Variants in NPAS3 observed in about 807,000 individuals in gnomAD.
The protein encoded by NPAS3 is neuronal PAS domain protein 3.
In NPAS3, 14 loss-of-function variants were observed where a neutral mutation model predicts 73.1. The observed-to-expected ratio is 0.19, with a 90% CI of 0.13 to 0.30. The LOEUF (loss-of-function observed/expected upper bound fraction) is 0.30, where lower values mean the gene tolerates loss of function less well. Ranked by LOEUF, NPAS3 falls within the 10% of genes least tolerant of loss-of-function variation. The pLI is 1.00. For missense variants in NPAS3, 1,096 were observed against 1,250.0 expected (o/e 0.88, Z 1.86); for synonymous variants, 620 against 541.5 (o/e 1.14, Z -2.01).
intron 2 of NPAS3, among the ~76,000 whole-genome samples, chr14:33,078,532 C>CAAAAAA (rs200285065): frequency 1.6e-5 from 1 of 63,348 alleles, no homozygotes. Flanking sequence ...AAAACAAAAC[C>CAAAAAA]AAAAAAAAAA....
At chr14:33,059,777 A>G (rs2041028679) in intron 2 of NPAS3, among the ~76,000 whole-genome samples, 1 of 152,210 alleles carries the variant, frequency 6.6e-6, no homozygotes, top group Non-Finnish European at 1.5e-5. Context: ...GAGAAAAGAC[A>G]CCCCTTCCAT....
Position 33,059,022 on chromosome 14 carries a change from A to G in NPAS3, c.140+3028A>G, listed in dbSNP as rs115381820. ...AACTTGGATGGGTTTGTGAGAGTCA[A>G]TTGTATGCACCTCTTTCTCACTTTG... On this transcript the variant is annotated intron_variant, in intron 2 of 11. Transcript: ENST00000356141. Among the ~76,000 whole-genome samples, 1,121 of 152,294 alleles carry G rather than the reference A, an allele frequency of 7.4e-3. 15 individuals are homozygous for G. Among genetic ancestry groups the G allele is most frequent in the African/African-American group, 0.026 (1,067 of 41,566 alleles).
chr14:33,447,184 A>G (rs1315528900), intron 4 of NPAS3, among the ~76,000 whole-genome samples: 1 of 152,246 alleles, frequency 6.6e-6, no homozygotes, highest in Non-Finnish European at 1.5e-5. Flanking sequence ...TTGGTGGTAG[A>G]AGTTCAGAGA....
chr14:33,379,523 A>G (rs1229887268), intron 4 of NPAS3, among the ~76,000 whole-genome samples: 2 of 152,026 alleles, frequency 1.3e-5, no homozygotes, highest in African/African-American at 4.8e-5. Flanking sequence ...CAGACATCAC[A>G]TTTTTGTTAC....
At chr14:33,586,172 T>A (rs879343468) in intron 5 of NPAS3, among the ~76,000 whole-genome samples, 1 of 151,640 alleles carries the variant, frequency 6.6e-6, no homozygotes, top group Non-Finnish European at 1.5e-5. Flanking sequence ...CTTGTTTTCT[T>A]CTCTTAAAAA....
At chr14:33,472,249 G>A (rs1330184202) in intron 4 of NPAS3, among the ~76,000 whole-genome samples, 1 of 152,188 alleles carries the variant, frequency 6.6e-6, no homozygotes, top group East Asian at 1.9e-4. Flanking sequence ...GAGCTGTCCA[G>A]GCAATGCAGT....
At chr14:33,177,331 C>T (rs1388479110) in intron 2 of NPAS3, among the ~76,000 whole-genome samples, 4 of 151,696 alleles carry the variant, frequency 2.6e-5, no homozygotes, top group Admixed American at 2.0e-4. Context: ...CTCTTGACCT[C>T]GTGATTCACC....
At chr14:33,599,459 T>G (rs2057338202) in intron 5 of NPAS3, among the ~76,000 whole-genome samples, 1 of 152,212 alleles carries the variant, frequency 6.6e-6, no homozygotes, top group African/African-American at 2.4e-5. Flanking sequence ...GCATATAAAC[T>G]AATGATCTGG....
intron 2 of NPAS3, among the ~76,000 whole-genome samples, chr14:33,153,014 ACT>A (rs1595560991): frequency 6.7e-6 from 1 of 148,954 alleles, no homozygotes; most frequent in African/African-American, 2.5e-5. Flanking sequence ...TCAGATTTTT[ACT>A]CTCTTAGACT....
chr14:33,574,524 A>G (rs1386222354), intron 5 of NPAS3, among the ~76,000 whole-genome samples: 1 of 152,096 alleles, frequency 6.6e-6, no homozygotes, highest in African/African-American at 2.4e-5. Flanking sequence ...GTCCAAATGT[A>G]TTCAACAAAT....
chr14:33,130,073 T>C (rs187197650), intron 2 of NPAS3, among the ~76,000 whole-genome samples: 2 of 152,322 alleles, frequency 1.3e-5, no homozygotes, highest in Admixed American at 1.3e-4. Flanking sequence ...GCAGTCTGTA[T>C]GTGTTAACGT....
At chr14:33,683,682 G>A (rs2060005732) in intron 6 of NPAS3, among the ~76,000 whole-genome samples, 1 of 152,210 alleles carries the variant, frequency 6.6e-6, no homozygotes, top group African/African-American at 2.4e-5. Context: ...CAGATCAGAA[G>A]AGGCAGAACT....
chr14:33,035,744 C>A (rs1260869508), intron 1 of NPAS3, among the ~76,000 whole-genome samples: 1 of 152,142 alleles, frequency 6.6e-6, no homozygotes, highest in Non-Finnish European at 1.5e-5. Flanking sequence ...ACAGACTTTC[C>A]ATTGACATGA....
At chr14:33,125,849 G>A (rs2043407851) in intron 2 of NPAS3, among the ~76,000 whole-genome samples, 1 of 152,180 alleles carries the variant, frequency 6.6e-6, no homozygotes, top group South Asian at 2.1e-4. Flanking sequence ...GTTTTAGATA[G>A]ACTAGTTACT....
intron 4 of NPAS3, among the ~76,000 whole-genome samples, chr14:33,521,235 A>T (rs547300442): frequency 6.6e-6 from 1 of 152,258 alleles, no homozygotes; most frequent in African/African-American, 2.4e-5. Context: ...TCAGAAGACA[A>T]AGAATTTCTA....
At chr14:33,745,689 A>G (rs944047803) in intron 7 of NPAS3, among the ~76,000 whole-genome samples, 1 of 152,222 alleles carries the variant, frequency 6.6e-6, no homozygotes, top group Non-Finnish European at 1.5e-5. Context: ...TTCATCAGTA[A>G]TATTTCAGAT....
chr14:32,938,525 A>AGAGAGAGAG (rs1566779564), upstream of NPAS3, among the ~76,000 whole-genome samples: 17 of 66,228 alleles, frequency 2.6e-4, no homozygotes, highest in East Asian at 1.1e-3. Context: ...GAGAGAGAGA[A>AGAGAGAGAG]GGGGGGGGAG....
At chr14:33,682,055 A>T (rs2059954248) in intron 6 of NPAS3, among the ~76,000 whole-genome samples, 1 of 152,224 alleles carries the variant, frequency 6.6e-6, no homozygotes. Context: ...TATGCAATGA[A>T]ATTCCTGCTT....
chr14:33,224,110 T>G (rs2047535485), intron 3 of NPAS3, among the ~76,000 whole-genome samples: 1 of 152,212 alleles, frequency 6.6e-6, no homozygotes, highest in Admixed American at 6.5e-5. Context: ...ATTTTAGTCA[T>G]GACATCTTGT....
Sources: gnomAD v4.1 joint callset for allele counts (sites outside exome capture counted in the v4.1 genomes callset) on GRCh38, gnomAD v4.1.1 for gene constraint, MANE v1.5 for transcripts, NCBI Gene and HGNC (gene_info 2026-07-23, HGNC 2026-07-21) for gene names.